PLEKHM3: variants seen among roughly 807,000 people sequenced by gnomAD.
PLEKHM3 encodes pleckstrin homology domain containing M3.
PLEKHM3 carries 45 observed loss-of-function variants against 81.8 expected under a neutral mutation model. That is an observed-to-expected ratio of 0.55 (90% confidence interval 0.43 to 0.71). PLEKHM3 has a LOEUF of 0.71. Among genes scored for constraint, PLEKHM3 ranks in the 30% least tolerant of loss-of-function variants. The pLI is 0.00. For missense variants in PLEKHM3, 788 were observed against 924.3 expected (o/e 0.85, Z 1.91); for synonymous variants, 352 against 356.4 (o/e 0.99, Z 0.14).
At chr2:207,992,502 T>C (rs1040227710) in intron 2 of PLEKHM3, among the ~76,000 whole-genome samples, 1 of 152,150 alleles carries the variant, frequency 6.6e-6, no homozygotes, top group African/African-American at 2.4e-5. Flanking sequence ...AGTAGCCCCT[T>C]CCATTCTGAA....
intron 2 of PLEKHM3, among the ~76,000 whole-genome samples, chr2:207,987,587 AGTT>A (rs1476996208): frequency 6.6e-6 from 1 of 152,192 alleles, no homozygotes; most frequent in East Asian, 1.9e-4. Flanking sequence ...TAATAATATG[AGTT>A]ATGCATTTGC....
At chr2:207,930,040 C>T in intron 5 of PLEKHM3, 1 of 552,814 alleles carries the variant, frequency 1.8e-6, no homozygotes, top group Non-Finnish European at 3.2e-6. Context: ...AAGGGTGAGA[C>T]TTTAAATGCC....
intron 4 of PLEKHM3, among the ~76,000 whole-genome samples, chr2:207,933,437 G>C (rs1689652661): frequency 6.6e-6 from 1 of 152,132 alleles, no homozygotes; most frequent in Non-Finnish European, 1.5e-5. Flanking sequence ...TGGTGTTTTG[G>C]GAAATGAAGT....
At chr2:207,964,366 T>C (rs1690842896) in intron 3 of PLEKHM3, among the ~76,000 whole-genome samples, 1 of 152,202 alleles carries the variant, frequency 6.6e-6, no homozygotes, top group African/African-American at 2.4e-5. Context: ...ATCATACTCA[T>C]GATTCTAATG....
At chr2:208,012,708 G>A (rs1692743885) in intron 1 of PLEKHM3, among the ~76,000 whole-genome samples, 1 of 152,214 alleles carries the variant, frequency 6.6e-6, no homozygotes, top group Non-Finnish European at 1.5e-5. Context: ...CAGCAAGTCA[G>A]GCTGACTCAG....
chr2:207,986,838 A>ATTTTTTTTTT (rs370986896), intron 2 of PLEKHM3, among the ~76,000 whole-genome samples: 2 of 126,300 alleles, frequency 1.6e-5, no homozygotes, highest in Non-Finnish European at 1.6e-5. Context: ...TGCCCAGCTA[A>ATTTTTTTTTT]TTTTTTTTTT....
chr2:207,961,240 G>A (rs756008344), intron 3 of PLEKHM3, among the ~76,000 whole-genome samples: 2 of 152,206 alleles, frequency 1.3e-5, no homozygotes, highest in African/African-American at 4.8e-5. Context: ...CTTTATTGAT[G>A]AAGATGGAGA....
chr2:207,830,131 T>TAC (rs946574612), intron 7 of PLEKHM3, among the ~76,000 whole-genome samples: 1 of 152,118 alleles, frequency 6.6e-6, no homozygotes, highest in Non-Finnish European at 1.5e-5. Flanking sequence ...CCAGCAGCTC[T>TAC]ACCCCCAGCT....
At chr2:207,841,448 C>CAAAAA (rs1206603074) in intron 7 of PLEKHM3, among the ~76,000 whole-genome samples, 10 of 21,492 alleles carry the variant, frequency 4.7e-4, no homozygotes, top group African/African-American at 1.3e-3. Flanking sequence ...GACTCCATCT[C>CAAAAA]AAAAAAAAAA....
At chr2:208,020,835 G>T (rs1271443274) in intron 1 of PLEKHM3, among the ~76,000 whole-genome samples, 1 of 152,152 alleles carries the variant, frequency 6.6e-6, no homozygotes, top group Non-Finnish European at 1.5e-5. Flanking sequence ...CTTTTCTAGG[G>T]GTGTTGGAGG....
At chr2:207,871,701 C>G (rs2092535616) in intron 6 of PLEKHM3, among the ~76,000 whole-genome samples, 1 of 152,076 alleles carries the variant, frequency 6.6e-6, no homozygotes, top group African/African-American at 2.4e-5. Flanking sequence ...TAAACCACAA[C>G]TCCATGGAAC....
At chr2:207,901,379 C>G (rs1170427645) in intron 6 of PLEKHM3, 1 of 702,190 alleles carries the variant, frequency 1.4e-6, no homozygotes, top group African/African-American at 1.7e-5. Context: ...CTGCTTTAAC[C>G]CACTCAGCTA....
intron 6 of PLEKHM3, among the ~76,000 whole-genome samples, chr2:207,868,277 T>A (rs111272394): frequency 0.042 from 2,589 of 61,026 alleles, 76 homozygotes; most frequent in African/African-American, 0.13. Flanking sequence ...TATTATTATT[T>A]TTTTTTTTTA....
At chr2:208,016,605 G>A (rs10198217) in intron 1 of PLEKHM3, among the ~76,000 whole-genome samples, 86,117 of 145,200 alleles carry the variant, frequency 0.59, 28,173 homozygotes, top group Non-Finnish European at 0.73. Flanking sequence ...AGCCGAGACC[G>A]AGCCACTGTA....
rs1311199384 is a variant in PLEKHM3, at chr2:207,821,639, A to AC, written c.*6679dup. ...TATAAGAAAAAATGGCATAGACCTG[A>AC]CCCAGGAGCTACAGAACAAGTTTTG... On this transcript the variant is annotated 3_prime_UTR_variant, in exon 8 of 8. Coordinates refer to ENST00000427836, the MANE Select transcript of PLEKHM3 (RefSeq NM_001080475.3). The AC allele has an allele frequency of 6.6e-6, 1 of 152,132 alleles. No individual in the cohort carries two copies. The highest frequency in any genetic ancestry group is 2.4e-5 in the African/African-American group (1 of 41,422). The allele number at this position is 152,132 out of a possible 1,614,324, so 9.4% of individuals were successfully genotyped here.
At chr2:207,955,291 T>C (rs1690465388) in intron 3 of PLEKHM3, among the ~76,000 whole-genome samples, 1 of 152,154 alleles carries the variant, frequency 6.6e-6, no homozygotes, top group Non-Finnish European at 1.5e-5. Flanking sequence ...TTGAAATCAG[T>C]CTAAACTTAG....
At chr2:207,859,439 C>G (rs1354188198) in intron 7 of PLEKHM3, among the ~76,000 whole-genome samples, 1 of 151,140 alleles carries the variant, frequency 6.6e-6, no homozygotes, top group African/African-American at 2.4e-5. Context: ...CGCCCGGCTA[C>G]TTTTTTTCTT....
rs530074642 is a variant in PLEKHM3 at position 207,976,504 on chromosome 2, A to C, written c.1546+147T>G. ...ATAGTAATTTAATATAGGATGTTTT[A>C]ATACAGTAAGCTTCTCGAGGAGAGA... On this transcript the variant is annotated intron_variant, in intron 3 of 7. Coordinates refer to ENST00000427836, the MANE Select transcript of PLEKHM3 (RefSeq NM_001080475.3). This position sits in a 1 kb window ranked among gnomAD's most constrained non-coding sequence, Gnocchi z 4.1. The C allele has an allele frequency of 4.0e-6, 3 of 752,044 alleles. No homozygotes were observed. The highest frequency in any genetic ancestry group is 6.3e-6 in the Non-Finnish European group (3 of 475,962). The allele number at this position is 752,044 out of a possible 1,614,324, so 46.6% of individuals were successfully genotyped here. A position where few individuals can be genotyped will look rare whatever the true frequency, so the allele number is the denominator to read the frequency against.
At chr2:207,940,715 A>C (rs1021376300) in intron 4 of PLEKHM3, among the ~76,000 whole-genome samples, 5 of 152,228 alleles carry the variant, frequency 3.3e-5, no homozygotes, top group African/African-American at 1.2e-4. Flanking sequence ...GGCACGAAGG[A>C]GAGAGCCAGC....
Sources: allele counts gnomAD v4.1 joint callset (sites outside exome capture counted in the v4.1 genomes callset), GRCh38; gene constraint gnomAD v4.1.1; non-coding constraint Gnocchi (gnomAD v3.1); transcripts MANE v1.5; gene names NCBI Gene and HGNC (gene_info 2026-07-23, HGNC 2026-07-21).